The following PTPRQ variants were observed in gnomAD, a reference collection of about 807,000 sequenced individuals.
PTPRQ encodes phosphatidylinositol phosphatase PTPRQ.
A neutral mutation model predicts 246.0 loss-of-function variants in PTPRQ; 199 were observed. That is an observed-to-expected ratio of 0.81 (90% CI 0.72 to 0.91). The LOEUF (loss-of-function observed/expected upper bound fraction) is 0.91, where lower values mean the gene tolerates loss of function less well. PTPRQ is among the 40% of genes least tolerant of loss of function. The pLI, the probability that PTPRQ is intolerant of heterozygous loss-of-function variation, is 0.00. For missense variants in PTPRQ, 2,624 were observed against 2,528.4 expected (o/e 1.04, Z -0.81); for synonymous variants, 869 against 853.2 (o/e 1.02, Z -0.32).
At chr12:80,506,431 A>G in intron 15 of PTPRQ, 138 bp from the exon 16 acceptor site, 1 of 818,636 alleles carries the variant, frequency 1.2e-6, no homozygotes, top group Non-Finnish European at 1.9e-6. Context: ...AATAAGAGCT[A>G]CTATTGCCAA....
At chr12:80,519,888 A>G (rs1188287464) in intron 17 of PTPRQ, among the ~76,000 whole-genome samples, 1 of 152,148 alleles carries the variant, frequency 6.6e-6, no homozygotes, top group Non-Finnish European at 1.5e-5. Flanking sequence ...GGCTTGTGGA[A>G]CAGGGGCTCA....
intron 16 of PTPRQ, among the ~76,000 whole-genome samples, chr12:80,507,922 C>T (rs1324777622): frequency 1.3e-5 from 2 of 151,940 alleles, no homozygotes; most frequent in Non-Finnish European, 2.9e-5. Context: ...AAAAATTTTA[C>T]CAATGCCTTT....
chr12:80,505,102 C>T (rs10862152), intron 14 of PTPRQ, among the ~76,000 whole-genome samples: 48,697 of 151,688 alleles, frequency 0.32, 9,071 homozygotes, highest in African/African-American at 0.51. Context: ...CATCTTTCAG[C>T]GGGCCCCAGG....
intron 9 of PTPRQ, among the ~76,000 whole-genome samples, chr12:80,487,196 C>T (rs1280636440): frequency 6.6e-6 from 1 of 152,084 alleles, no homozygotes; most frequent in Non-Finnish European, 1.5e-5. Context: ...TCCACCAGGG[C>T]TCATTACATC....
chr12:80,544,945 G>T (rs144899519), intron 23 of PTPRQ, among the ~76,000 whole-genome samples: 1 of 152,168 alleles, frequency 6.6e-6, no homozygotes, highest in East Asian at 1.9e-4. Context: ...CATACTGAAA[G>T]AAATTATTTA....
intron 36 of PTPRQ, 148 bp from the exon 37 acceptor site, chr12:80,649,440 T>C: frequency 1.8e-6 from 2 of 1,130,536 alleles, no homozygotes; most frequent in South Asian, 5.2e-5. Flanking sequence ...TTTATAAGTA[T>C]AACAGAGTGA....
intron 17 of PTPRQ, among the ~76,000 whole-genome samples, chr12:80,533,329 G>A (rs2120802999): frequency 6.6e-6 from 1 of 151,856 alleles, no homozygotes; most frequent in Non-Finnish European, 1.5e-5. Flanking sequence ...CTGAGATTTT[G>A]ATATGTACTT....
At chr12:80,543,193 ATG>A (rs1309702415) in intron 23 of PTPRQ, among the ~76,000 whole-genome samples, 3 of 152,104 alleles carry the variant, frequency 2.0e-5, no homozygotes, top group African/African-American at 7.2e-5. Context: ...CAAATATAAA[ATG>A]TATTTCTATC....
At chr12:80,505,115 T>G (rs956165731) in intron 14 of PTPRQ, among the ~76,000 whole-genome samples, 9 of 151,934 alleles carry the variant, frequency 5.9e-5, no homozygotes, top group African/African-American at 1.4e-4. Context: ...GCCCCAGGGT[T>G]TTATAGTCTT....
chr12:80,539,843 T>C lies in PTPRQ; in HGVS notation c.3053T>C (p.Leu1018Pro). Reference protein sequence around the residue: ...NMTVSTIIDKLTIFSYYTFWL... With the variant: ...NMTVSTIIDKPTIFSYYTFWL... ...ACTGTATCCACAATTATAGATAAAC[T>C]GACAATATTCAGCTACTATACATTT... The change falls in exon 20 of 45, where the codon CTG becomes CCG. Residue 1018 changes from leucine to proline, a missense_variant. By Grantham distance (98) the Leu-to-Pro change is moderately conservative. Coordinates refer to ENST00000644991, the MANE Select transcript of PTPRQ (RefSeq NM_001145026.2). 1 of 1,549,196 alleles carries C rather than the reference T, an allele frequency of 6.5e-7. No individual in the cohort carries two copies. The highest frequency in any genetic ancestry group is 8.7e-7 in the Non-Finnish European group (1 of 1,145,890).
At chr12:80,612,877 T>A (rs1179161908) in intron 28 of PTPRQ, among the ~76,000 whole-genome samples, 1 of 150,528 alleles carries the variant, frequency 6.6e-6, no homozygotes, top group Non-Finnish European at 1.5e-5. Context: ...ACATGTAGTA[T>A]CCACCTTGAT....
At chr12:80,485,110 G>T (rs1390221914) in intron 9 of PTPRQ, among the ~76,000 whole-genome samples, 2 of 151,730 alleles carry the variant, frequency 1.3e-5, no homozygotes, top group Non-Finnish European at 2.9e-5. Context: ...CTAAATAAAA[G>T]AAATTTAAGT....
intron 12 of PTPRQ, among the ~76,000 whole-genome samples, chr12:80,495,763 C>CA (rs1336656115): frequency 3.3e-5 from 5 of 151,880 alleles, no homozygotes; most frequent in Admixed American, 3.3e-4. Flanking sequence ...TGCAGTGTGC[C>CA]AAAAAGTTAC....
chr12:80,616,638 T>C (rs1898773583), intron 30 of PTPRQ, among the ~76,000 whole-genome samples: 1 of 151,252 alleles, frequency 6.6e-6, no homozygotes, highest in South Asian at 2.1e-4. Context: ...GATTATTAGA[T>C]TGTTTGACTG....
At chr12:80,645,547 A>C (rs537663630) in intron 35 of PTPRQ, among the ~76,000 whole-genome samples, 1 of 151,522 alleles carries the variant, frequency 6.6e-6, no homozygotes, top group Admixed American at 6.6e-5. Context: ...ACATCTAGTA[A>C]GCCAAGTGTT....
At chr12:80,648,656 T>TAAA (rs1242100964) in intron 35 of PTPRQ, among the ~76,000 whole-genome samples, 2 of 152,120 alleles carry the variant, frequency 1.3e-5, no homozygotes, top group African/African-American at 4.8e-5. Flanking sequence ...TAATGACATT[T>TAAA]ATAATAACAA....
intron 26 of PTPRQ, among the ~76,000 whole-genome samples, chr12:80,591,963 C>T (rs1323274872): frequency 3.3e-5 from 5 of 152,160 alleles, no homozygotes; most frequent in Non-Finnish European, 7.4e-5. Flanking sequence ...CATAAAACAA[C>T]ATATAACATG....
At position 80,616,207 on chromosome 12, in the gene PTPRQ, C is replaced by A. The variant is rs778313896; in HGVS notation, c.5171C>A (p.Ala1724Glu). 1.4e-6 allele frequency: 2 copies of A among 1,478,582 alleles called. No homozygotes were observed. Among genetic ancestry groups the A allele is most frequent in the Admixed American group, 4.7e-5 (2 of 42,248 alleles). The allele number at this position is 1,478,582 out of a possible 1,614,324, so 91.6% of individuals were successfully genotyped here. A position where few individuals can be genotyped will look rare whatever the true frequency, so the allele number is the denominator to read the frequency against. Reference protein sequence around the residue: ...GGHTYNISVYAVNSAGAGPKV... With the variant: ...GGHTYNISVYEVNSAGAGPKV... ...AATATTTGTTTGTTTTAGGTTTACG[C>A]AGTCAATAGTGCTGGTGCAGGTCCA... Residue 1724 changes from alanine to glutamate, a missense_variant, in exon 30 of 45, where the codon GCA becomes GAA. By Grantham distance (107) the Ala-to-Glu change is moderately radical. Transcript: ENST00000644991.
rs1900499408 is a variant in PTPRQ at position 80,657,982 on chromosome 12, T to C, written c.6116-3T>C. The C allele has an allele frequency of 1.4e-6, 2 of 1,407,464 alleles. No homozygotes were observed. Among genetic ancestry groups the C allele is most frequent in the Admixed American group, 3.4e-5 (1 of 29,562 alleles). The allele number at this position is 1,407,464 out of a possible 1,614,324, so 87.2% of individuals were successfully genotyped here. A position where few individuals can be genotyped will look rare whatever the true frequency, so the allele number is the denominator to read the frequency against. ...AACATTGATTCCTTATATTTTCTTC[T>C]AGATAATAATAACAGAGTAAAGCTG... On this transcript the variant is annotated splice_polypyrimidine_tract_variant and splice_region_variant and intron_variant, in intron 38 of 44. Coordinates refer to ENST00000644991, the MANE Select transcript of PTPRQ (RefSeq NM_001145026.2).
Sources: allele counts gnomAD v4.1 joint callset (sites outside exome capture counted in the v4.1 genomes callset), GRCh38; gene constraint gnomAD v4.1.1; transcripts MANE v1.5; gene names NCBI Gene and HGNC (gene_info 2026-07-23, HGNC 2026-07-21).